The following MINDY2 variants were observed in gnomAD, a reference collection of about 807,000 sequenced individuals.
MINDY2 encodes MINDY lysine 48 deubiquitinase 2.
MINDY2 carries 52 observed loss-of-function variants against 68.2 expected under a neutral mutation model. That is an observed-to-expected ratio of 0.76 (90% CI 0.61 to 0.96). The LOEUF (loss-of-function observed/expected upper bound fraction) is 0.96, where lower values mean the gene tolerates loss of function less well. MINDY2 is among the 40% of genes least tolerant of loss of function. MINDY2 has a pLI of 0.00. For synonymous variants in MINDY2, 372 were observed against 303.0 expected, an observed-to-expected ratio of 1.23 and a Z score of -2.36; for missense variants, 881 against 773.4, an observed-to-expected ratio of 1.14 and a Z score of -1.65.
chr15:58,846,001 A>G (rs1423723074), intron 6 of MINDY2, among the ~76,000 whole-genome samples: 25 of 151,966 alleles, frequency 1.6e-4, no homozygotes, highest in South Asian at 6.2e-4. Flanking sequence ...AATTAAAACA[A>G]TTGAGCTCCT....
At chr15:58,793,752 C>T (rs548192175) in intron 2 of MINDY2, among the ~76,000 whole-genome samples, 3 of 152,198 alleles carry the variant, frequency 2.0e-5, no homozygotes, top group East Asian at 1.9e-4. Flanking sequence ...GGTTGCAGCG[C>T]GTCTCTTGAG....
intron 4 of MINDY2, among the ~76,000 whole-genome samples, chr15:58,814,016 C>T (rs2030498454): frequency 6.7e-6 from 1 of 149,852 alleles, no homozygotes; most frequent in South Asian, 2.1e-4. Flanking sequence ...TTGCTCAGTG[C>T]AGCCTCCTGC....
rs772570406 is a variant in MINDY2, at chr15:58,787,955, A to G, written c.890A>G (p.Glu297Gly). The change falls in exon 2 of 9, where the codon GAA (glutamate) becomes GGA (glycine). Residue 297 changes from glutamate to glycine, a missense_variant. Coordinates refer to ENST00000559228, the MANE Select transcript of MINDY2 (RefSeq NM_001040450.3). ...ATCATAACTGCTGAGCAGCTGATGG[A>G]ATATTTAGGTTAGTGTTGAAAAGTG... ...MEIITAEQLM[E>G]YLGDYMLDAK... 1 of 1,586,676 alleles carries G rather than the reference A, an allele frequency of 6.3e-7. No individual in the cohort carries two copies. Among genetic ancestry groups the G allele is most frequent in the South Asian group, 1.2e-5 (1 of 84,938 alleles).
chr15:58,838,829 C>G (rs1462899871), intron 6 of MINDY2, among the ~76,000 whole-genome samples: 1 of 151,916 alleles, frequency 6.6e-6, no homozygotes, highest in Admixed American at 6.6e-5. Context: ...GATCTGCCCA[C>G]CTTGACCTCC....
In MINDY2 at chr15:58,780,158, A is replaced by G. The variant is rs1358029005; in HGVS notation, c.841-7748A>G. 2.0e-5 allele frequency among the ~76,000 whole-genome samples: 3 copies of G among 152,116 alleles called. No individual in the cohort carries two copies. The East Asian group carries it at 5.8e-4, about 29-fold the overall frequency. Reference sequence around the variant, plus strand: ...GGTTGGCTCACACTGTAATCCCAGCACTTTGTGAGGCCGAGGCAGGCGGAT... The same window carrying G: ...GGTTGGCTCACACTGTAATCCCAGCGCTTTGTGAGGCCGAGGCAGGCGGAT... On this transcript the variant is annotated intron_variant, in intron 1 of 8. Transcript: ENST00000559228.
chr15:58,835,249 A>G (rs1319713972), intron 6 of MINDY2, among the ~76,000 whole-genome samples: 1 of 152,216 alleles, frequency 6.6e-6, no homozygotes, highest in South Asian at 2.1e-4. Context: ...TTAAGGATAC[A>G]TATCACAAGC....
chr15:58,839,968 G>A (rs1249387831), intron 6 of MINDY2, among the ~76,000 whole-genome samples: 1 of 151,966 alleles, frequency 6.6e-6, no homozygotes, highest in African/African-American at 2.4e-5. Context: ...AGGTAGCTGG[G>A]ATTATGGGTG....
At chr15:58,787,559 A>C (rs1901590496) in intron 1 of MINDY2, among the ~76,000 whole-genome samples, 1 of 151,570 alleles carries the variant, frequency 6.6e-6, no homozygotes, top group African/African-American at 2.4e-5. Context: ...AACAGGTAGA[A>C]CCTCCTCTCT....
intron 8 of MINDY2, among the ~76,000 whole-genome samples, chr15:58,852,573 C>G (rs1196543323): frequency 1.2e-4 from 19 of 152,252 alleles, no homozygotes; most frequent in Non-Finnish European, 2.5e-4. Flanking sequence ...AAAAAATAGA[C>G]TTTGGAGCCA....
intron 6 of MINDY2, among the ~76,000 whole-genome samples, chr15:58,837,772 C>A (rs1038540735): frequency 1.3e-4 from 19 of 151,650 alleles, no homozygotes; most frequent in Admixed American, 5.3e-4. Flanking sequence ...TAGAGACCAG[C>A]ATGGACAATG....
At chr15:58,813,923 T>C (rs528554577) in intron 4 of MINDY2, among the ~76,000 whole-genome samples, 1 of 143,130 alleles carries the variant, frequency 7.0e-6, no homozygotes, top group Non-Finnish European at 1.5e-5. Flanking sequence ...TAGTTTTAAC[T>C]TGCATTTCTT....
intron 4 of MINDY2, among the ~76,000 whole-genome samples, chr15:58,812,731 G>A (rs1270608376): frequency 6.6e-6 from 1 of 152,196 alleles, no homozygotes; most frequent in Non-Finnish European, 1.5e-5. Context: ...GATGGAACAT[G>A]CCTGTAGTCC....
At chr15:58,803,633 T>G (rs1174319578) in intron 3 of MINDY2, among the ~76,000 whole-genome samples, 1 of 151,588 alleles carries the variant, frequency 6.6e-6, no homozygotes, top group Non-Finnish European at 1.5e-5. Flanking sequence ...CTGTTCAACA[T>G]GGAAAAACCC....
Position 58,771,767 on chromosome 15 carries a change from T to C in MINDY2, c.372T>C (p.Gly124=), listed in dbSNP as rs773648199. 24 of 1,610,870 alleles carry C rather than the reference T, an allele frequency of 1.5e-5. No individual in the cohort carries two copies. In the Middle Eastern group the frequency reaches 5.0e-4, roughly 34 times the overall value. ...TGGCCGGAGTGGGTCATGAGTTGGG[T>C]ACCGCCGGAGACGCGGGAGCCCGCC... The part of the protein sequence containing the change: ...TAVAGVGHEL[G]TAGDAGARPD... Residue 124 remains glycine (G), a synonymous_variant, in exon 1 of 9, where the codon GGT becomes GGC. Coordinates refer to ENST00000559228, the MANE Select transcript of MINDY2 (RefSeq NM_001040450.3).
At chr15:58,829,790 C>G (rs1295801403) in intron 5 of MINDY2, among the ~76,000 whole-genome samples, 9 of 152,110 alleles carry the variant, frequency 5.9e-5, no homozygotes, top group Non-Finnish European at 1.2e-4. Flanking sequence ...TAACAAAGTC[C>G]TTGCAATAGT....
chr15:58,800,966 T>A (rs1360824620), intron 2 of MINDY2, among the ~76,000 whole-genome samples: 7 of 152,138 alleles, frequency 4.6e-5, no homozygotes, highest in African/African-American at 1.2e-4. Context: ...CAAGATTTTT[T>A]AAAAATAAAA....
At position 58,821,809 on chromosome 15, in the gene MINDY2, G is replaced by T; in HGVS notation, c.1215G>T (p.Leu405=). ...GTAAACAGTCAGACAATAGTGAGCT[G>T]GTTAGTGAAGGTGGGTGAGTGCTGC... ...ISCKQSDNSE[L]VSEGFVAEQF... Residue 405 remains leucine (L), a synonymous_variant, in exon 5 of 9, where the codon CTG becomes CTT. Coordinates refer to ENST00000559228, the MANE Select transcript of MINDY2 (RefSeq NM_001040450.3). 6.3e-7 allele frequency: 1 copy of T among 1,582,228 alleles called. No individual in the cohort carries two copies. The highest frequency in any genetic ancestry group is 1.2e-5 in the South Asian group (1 of 84,340).
chr15:58,774,869 G>GT (rs1900682138), intron 1 of MINDY2, among the ~76,000 whole-genome samples: 1 of 152,162 alleles, frequency 6.6e-6, no homozygotes. Context: ...AAATTGATGG[G>GT]TTTTATCAGA....
At position 58,840,628 on chromosome 15, in the gene MINDY2, CTTATTATTATTATTATTATTA is replaced by C. The variant is rs71119408; in HGVS notation, c.1369-6645_1369-6625del. 5.0e-5 allele frequency among the ~76,000 whole-genome samples: 7 copies of C among 139,266 alleles called. No homozygotes were observed. In the East Asian group the frequency reaches 6.2e-4, roughly 12 times the overall value. The allele number at this position is 139,266 out of a possible 152,430, so 91.4% of individuals were successfully genotyped here. A position where few individuals can be genotyped will look rare whatever the true frequency, so the allele number is the denominator to read the frequency against. ...ACACATTGACCTCACTATTTATTTACTTATTATTATTATTATTATTATTATTATTATTATTATTATTATTTT... is the reference window on the plus strand; with the variant it reads ...ACACATTGACCTCACTATTTATTTACTTATTATTATTATTATTATTATTTT... On this transcript the variant is annotated intron_variant, in intron 6 of 8. Coordinates refer to ENST00000559228, the MANE Select transcript of MINDY2 (RefSeq NM_001040450.3).
Sources: gnomAD v4.1 joint callset for allele counts (sites outside exome capture counted in the v4.1 genomes callset) on GRCh38, gnomAD v4.1.1 for gene constraint, MANE v1.5 for transcripts, NCBI Gene and HGNC (gene_info 2026-07-23, HGNC 2026-07-21) for gene names.